The following LIPA variants were observed in gnomAD, a reference collection of about 807,000 sequenced individuals.
The protein encoded by LIPA is lysosomal acid lipase/cholesteryl ester hydrolase.
In LIPA, 26 loss-of-function variants were observed where a neutral mutation model predicts 40.6. That is an observed-to-expected ratio of 0.64 (90% CI 0.47 to 0.89). LIPA has a LOEUF of 0.89. Among genes scored for constraint, LIPA ranks in the 40% least tolerant of loss-of-function variants. LIPA has a pLI of 0.00. For missense variants in LIPA, 455 were observed against 479.6 expected (o/e 0.95, Z 0.48); for synonymous variants, 188 against 168.4 (o/e 1.12, Z -0.90).
chr10:89,302,125 T>A, intron 1 of LIPA: 1 of 1,613,990 alleles, frequency 6.2e-7, no homozygotes, highest in Non-Finnish European at 8.5e-7. Context: ...ACTGCAACCA[T>A]GAGGTAAATA....
intron 5 of LIPA, 137 bp downstream of exon 5, chr10:89,226,758 C>A: frequency 1.5e-6 from 1 of 648,578 alleles, no homozygotes; most frequent in Non-Finnish European, 2.7e-6. Flanking sequence ...CATTCCTTAT[C>A]TTATTCATTA....
At chr10:89,253,842 C>G (rs1843166523), upstream of LIPA, among the ~76,000 whole-genome samples, 1 of 152,228 alleles carries the variant, frequency 6.6e-6, no homozygotes, top group Admixed American at 6.5e-5. Flanking sequence ...AATGAAGGAG[C>G]TAAAAGCCGC....
chr10:89,380,361 C>T (rs1844153943), intron 2 of LIPA, among the ~76,000 whole-genome samples: 2 of 151,752 alleles, frequency 1.3e-5, no homozygotes, highest in South Asian at 4.2e-4. Flanking sequence ...AAATGCCTCA[C>T]AAAACATGGT....
intron 2 of LIPA, chr10:89,383,489 C>T (rs752490130): frequency 2.5e-6 from 4 of 1,614,074 alleles, no homozygotes; most frequent in Non-Finnish European, 3.4e-6. Context: ...AACCTACTAG[C>T]CTATGTGAAA....
intron 1 of LIPA, among the ~76,000 whole-genome samples, chr10:89,290,318 T>C (rs1009750370): frequency 6.6e-6 from 1 of 152,104 alleles, no homozygotes; most frequent in African/African-American, 2.4e-5. Context: ...AAATGCTCCT[T>C]CTAACAACCC....
chr10:89,336,086 G>A (rs1293864483), intron 1 of LIPA, among the ~76,000 whole-genome samples: 1 of 150,604 alleles, frequency 6.6e-6, no homozygotes, highest in African/African-American at 2.4e-5. Context: ...GACCACTCTG[G>A]GCAATATAGT....
intron 1 of LIPA, among the ~76,000 whole-genome samples, chr10:89,315,506 T>A (rs569042849): frequency 1.4e-4 from 22 of 152,220 alleles, no homozygotes; most frequent in Admixed American, 1.2e-3. Flanking sequence ...TCCTTCATTA[T>A]CAAATTAGTC....
intron 1 of LIPA, among the ~76,000 whole-genome samples, chr10:89,260,815 G>C (rs534223439): frequency 6.6e-6 from 1 of 152,098 alleles, no homozygotes; most frequent in African/African-American, 2.4e-5. Flanking sequence ...GTTTTGTATC[G>C]GTTGGAAGCG....
At chr10:89,351,783 C>T (rs1046768890) in intron 2 of LIPA, among the ~76,000 whole-genome samples, 4 of 152,078 alleles carry the variant, frequency 2.6e-5, no homozygotes, top group Non-Finnish European at 4.4e-5. Context: ...CTTAATTGAC[C>T]CACTCAAAAA....
intron 1 of LIPA, among the ~76,000 whole-genome samples, chr10:89,289,989 A>T (rs933364484): frequency 8.1e-6 from 1 of 124,012 alleles, no homozygotes; most frequent in Non-Finnish European, 1.7e-5. Context: ...ACTCACTGCT[A>T]AAAAAAAAGG....
intron 2 of LIPA, among the ~76,000 whole-genome samples, chr10:89,368,410 G>A (rs1683969482): frequency 6.6e-6 from 1 of 152,128 alleles, no homozygotes; most frequent in Non-Finnish European, 1.5e-5. Flanking sequence ...ATACCAGAAA[G>A]GGTCCCCAGC....
chr10:89,238,419 T>C (rs1162966151), intron 3 of LIPA, among the ~76,000 whole-genome samples: 3 of 152,228 alleles, frequency 2.0e-5, no homozygotes, highest in Admixed American at 6.5e-5. Flanking sequence ...CTGACGCTTC[T>C]ATGACACAGG....
At chr10:89,303,530 A>C (rs1843459147) in intron 1 of LIPA, among the ~76,000 whole-genome samples, 1 of 152,218 alleles carries the variant, frequency 6.6e-6, no homozygotes, top group Admixed American at 6.5e-5. Context: ...CCAGGAAGCA[A>C]GTGTCTGGCA....
At chr10:89,320,902 G>A (rs1171268793) in intron 1 of LIPA, among the ~76,000 whole-genome samples, 11 of 144,964 alleles carry the variant, frequency 7.6e-5, no homozygotes, top group South Asian at 2.2e-4. Context: ...AGAGCCCTCA[G>A]AAATAATACC....
At chr10:89,285,202 C>G (rs1843335209) in intron 1 of LIPA, 1 of 159,354 alleles carries the variant, frequency 6.3e-6, no homozygotes, top group Admixed American at 6.5e-5. Context: ...GAGAAAGATC[C>G]ACCTACGACC....
intron 3 of LIPA, among the ~76,000 whole-genome samples, chr10:89,238,464 A>G (rs1025461470): frequency 2.0e-5 from 3 of 152,234 alleles, no homozygotes; most frequent in Non-Finnish European, 4.4e-5. Context: ...AAGAATTGCT[A>G]TTCTATAGAA....
chr10:89,328,456 T>C (rs1219636040), intron 1 of LIPA, among the ~76,000 whole-genome samples: 1 of 152,218 alleles, frequency 6.6e-6, no homozygotes, highest in Non-Finnish European at 1.5e-5. Context: ...AATTACTCTT[T>C]TGGGTTTTTC....
At chr10:89,345,493 C>T (rs1015303669), upstream of LIPA, among the ~76,000 whole-genome samples, 1 of 151,816 alleles carries the variant, frequency 6.6e-6, no homozygotes, top group Admixed American at 6.6e-5. Context: ...CATGCCACTA[C>T]ACTCTAGCCT....
intron 2 of LIPA, among the ~76,000 whole-genome samples, chr10:89,395,935 C>T (rs1313188558): frequency 6.6e-6 from 1 of 152,118 alleles, no homozygotes; most frequent in Non-Finnish European, 1.5e-5. Flanking sequence ...TTTATGGCTA[C>T]ATAATATTCC....
Sources: gnomAD v4.1 joint callset for allele counts (sites outside exome capture counted in the v4.1 genomes callset) on GRCh38, gnomAD v4.1.1 for gene constraint, MANE v1.5 for transcripts, NCBI Gene and HGNC (gene_info 2026-07-23, HGNC 2026-07-21) for gene names.